Variants in DNAH11 observed in about 807,000 individuals in gnomAD.
DNAH11 encodes the protein dynein axonemal heavy chain 11.
Under a neutral mutation model 526.0 loss-of-function variants are expected in DNAH11, and 442 were observed. The ratio of observed to expected loss-of-function variants is 0.84; its 90% CI spans 0.78 to 0.91. The LOEUF is 0.91. DNAH11 is among the 40% of genes least tolerant of loss of function. The pLI is 0.00. For synonymous variants in DNAH11, 2,461 were observed against 1,935.9 expected, an observed-to-expected ratio of 1.27 and a Z score of -7.12; for missense variants, 6,989 against 5,448.7, an observed-to-expected ratio of 1.28 and a Z score of -8.90.
intron 10 of DNAH11, 40 bp downstream of exon 10, chr7:21,588,241 T>C: frequency 6.3e-7 from 1 of 1,585,006 alleles, no homozygotes; most frequent in Non-Finnish European, 8.6e-7. Context: ...ACAATATCAT[T>C]TAGGCGGATA....
In DNAH11 at chr7:21,851,135, G is replaced by A. The variant is rs115081908; in HGVS notation, c.10897-1332G>A. 452 of 159,310 alleles carry A rather than the reference G, an allele frequency of 2.8e-3. 2 individuals are homozygous for A. The highest frequency in any genetic ancestry group is 0.011 in the African/African-American group (440 of 41,710). 9.9% of individuals were successfully genotyped at this position (159,310 alleles called of 1,614,324 possible). A position where few individuals can be genotyped will look rare whatever the true frequency, so the allele number is the denominator to read the frequency against. Reference sequence around the variant, plus strand: ...GTAGTTCCCATAATCCCCGTATGTTGTGGCAGGGACCCAGTGGGAGGTAAC... The same window carrying A: ...GTAGTTCCCATAATCCCCGTATGTTATGGCAGGGACCCAGTGGGAGGTAAC... On this transcript the variant is annotated intron_variant, in intron 66 of 81. Coordinates refer to ENST00000409508, the MANE Select transcript of DNAH11 (RefSeq NM_001277115.2).
Position 21,705,505 on chromosome 7 carries a change from G to A in DNAH11, c.6514G>A (p.Val2172Ile). 6.2e-7 allele frequency: 1 copy of A among 1,613,684 alleles called. No homozygotes were observed. Among genetic ancestry groups the A allele is most frequent in the Non-Finnish European group, 8.5e-7 (1 of 1,179,700 alleles). The change falls in exon 39 of 82, where the codon GTA becomes ATA. Residue 2172 changes from valine to isoleucine, a missense_variant. Val to Ile is a conservative substitution (Grantham distance 29, BLOSUM62 3). Transcript: ENST00000409508. ...ELLAVRHSVF[V>I]VGNAGTGKSK... ...GTTGGCTGTGCGGCACTCGGTCTTT[G>A]TAGTTGGAAATGCAGGCACAGGAAA... is the stretch of plus-strand genomic sequence containing the variant.
chr7:21,786,301 C>CTGT (rs201711952), intron 58 of DNAH11, among the ~76,000 whole-genome samples: 6 of 115,650 alleles, frequency 5.2e-5, no homozygotes, highest in South Asian at 2.6e-4. Context: ...AACATATACA[C>CTGT]ATGTGTGTGT....
chr7:21,728,084 C>T (rs1414243061), intron 45 of DNAH11, among the ~76,000 whole-genome samples: 20 of 152,030 alleles, frequency 1.3e-4, no homozygotes, highest in African/African-American at 4.4e-4. Context: ...TTCCCAAATA[C>T]AGCCACATTC....
At chr7:21,821,044 G>C (rs1013256863) in intron 65 of DNAH11, among the ~76,000 whole-genome samples, 1 of 152,162 alleles carries the variant, frequency 6.6e-6, no homozygotes, top group African/African-American at 2.4e-5. Flanking sequence ...GGACAAATCA[G>C]TGTGATATCA....
intron 46 of DNAH11, among the ~76,000 whole-genome samples, chr7:21,736,463 G>C (rs560683194): frequency 4.3e-4 from 65 of 152,204 alleles, no homozygotes; most frequent in Middle Eastern, 3.4e-3. Flanking sequence ...GCTCTGTTGG[G>C]GGGCAACCAG....
chr7:21,659,134 C>G, intron 30 of DNAH11, 103 bp downstream of exon 30: 2 of 967,664 alleles, frequency 2.1e-6, no homozygotes, highest in South Asian at 3.6e-5. Context: ...CATCTGTGTG[C>G]AAAATACTAT....
chr7:21,690,224 G>A (rs548881920), intron 34 of DNAH11, among the ~76,000 whole-genome samples: 2 of 152,306 alleles, frequency 1.3e-5, no homozygotes, highest in African/African-American at 4.8e-5. Context: ...AAAGGGATAT[G>A]CCTGGTATCT....
intron 35 of DNAH11, among the ~76,000 whole-genome samples, chr7:21,695,671 C>T (rs577653644): frequency 6.6e-6 from 1 of 152,336 alleles, no homozygotes; most frequent in South Asian, 2.1e-4. Flanking sequence ...CCACTCAGGA[C>T]ATAGGCATGG....
chr7:21,735,898 G>T, intron 46 of DNAH11, 54 bp downstream of exon 46: 1 of 1,500,554 alleles, frequency 6.7e-7, no homozygotes. Flanking sequence ...CATCAAGGCG[G>T]GCACATGCAG....
At chr7:21,661,607 CT>C (rs2128466637) in intron 30 of DNAH11, among the ~76,000 whole-genome samples, 1 of 151,912 alleles carries the variant, frequency 6.6e-6, no homozygotes, top group Non-Finnish European at 1.5e-5. Context: ...TCTGATAAAA[CT>C]TTTTTCCTTG....
intron 10 of DNAH11, 100 bp downstream of exon 10, chr7:21,588,301 G>C (rs901004879): frequency 4.3e-6 from 6 of 1,402,940 alleles, no homozygotes; most frequent in Non-Finnish European, 5.7e-6. Context: ...ATTAGATATA[G>C]GCACTACATT....
intron 14 of DNAH11, among the ~76,000 whole-genome samples, chr7:21,595,002 C>G (rs1284075903): frequency 6.6e-6 from 1 of 152,126 alleles, no homozygotes; most frequent in African/African-American, 2.4e-5. Flanking sequence ...AAGAGGCAGG[C>G]CGACCTGGTA....
chr7:21,661,205 G>C (rs1445154150), intron 30 of DNAH11, among the ~76,000 whole-genome samples: 1 of 151,990 alleles, frequency 6.6e-6, no homozygotes, highest in Non-Finnish European at 1.5e-5. Flanking sequence ...ATTATGGTGG[G>C]AGTGGTATTA....
At chr7:21,711,458 T>A (rs926768662) in intron 41 of DNAH11, among the ~76,000 whole-genome samples, 4 of 152,220 alleles carry the variant, frequency 2.6e-5, no homozygotes, top group Non-Finnish European at 4.4e-5. Context: ...AATACATGTC[T>A]TATATTTGGC....
At chr7:21,775,888 G>A (rs1263351878) in intron 56 of DNAH11, among the ~76,000 whole-genome samples, 1 of 152,160 alleles carries the variant, frequency 6.6e-6, no homozygotes, top group East Asian at 1.9e-4. Flanking sequence ...ATCAGGAAAT[G>A]ATAGTATTGT....
At chr7:21,656,074 G>A in intron 29 of DNAH11, 93 bp downstream of exon 29, 2 of 1,377,114 alleles carry the variant, frequency 1.5e-6, no homozygotes, top group Non-Finnish European at 1.9e-6. Context: ...TTCAACCCAG[G>A]TCAAATCAGG....
At chr7:21,690,505 A>G (rs1562492081) in intron 34 of DNAH11, among the ~76,000 whole-genome samples, 1 of 152,184 alleles carries the variant, frequency 6.6e-6, no homozygotes, top group Admixed American at 6.5e-5. Flanking sequence ...CTTTATTTTT[A>G]TATTCTAGGA....
chr7:21,704,493 A>C lies in DNAH11; in HGVS notation c.6333A>C (p.Pro2111=). 6.2e-7 allele frequency: 1 copy of C among 1,613,806 alleles called. No homozygotes were observed. Among genetic ancestry groups the C allele is most frequent in the Non-Finnish European group, 8.5e-7 (1 of 1,179,840 alleles). ...CCAAAATAGTGACTGACGACATCCCAGTGTTTCTGGGCCTGGTCGGTGACC... is the reference window on the plus strand; with the variant it reads ...CCAAAATAGTGACTGACGACATCCCCGTGTTTCTGGGCCTGGTCGGTGACC... ...NMPKIVTDDI[P]VFLGLVGDLF... The change falls in exon 38 of 82, where the codon CCA becomes CCC. Residue 2111 remains proline, a synonymous_variant. Transcript: ENST00000409508.
Sources: allele counts gnomAD v4.1 joint callset (sites outside exome capture counted in the v4.1 genomes callset), GRCh38; gene constraint gnomAD v4.1.1; transcripts MANE v1.5; gene names NCBI Gene and HGNC (gene_info 2026-07-23, HGNC 2026-07-21).